TNS3: variants seen among roughly 807,000 people sequenced by gnomAD.
The protein encoded by TNS3 is tensin-3.
Under a neutral mutation model 140.9 loss-of-function variants are expected in TNS3, and 45 were observed. The observed-to-expected ratio is 0.32, with a 90% CI of 0.25 to 0.41. The LOEUF is 0.41. TNS3 is among the 10% of genes least tolerant of loss of function. The pLI, the probability that TNS3 is intolerant of heterozygous loss-of-function variation, is 1.00. For missense variants in TNS3, 1,716 were observed against 1,906.7 expected, an observed-to-expected ratio of 0.90 and a Z score of 1.86; for synonymous variants, 815 against 788.4, an observed-to-expected ratio of 1.03 and a Z score of -0.56.
chr7:47,382,297 C>A (rs548590571), intron 16 of TNS3, among the ~76,000 whole-genome samples: 26 of 152,242 alleles, frequency 1.7e-4, no homozygotes, highest in African/African-American at 6.3e-4. Flanking sequence ...ATGTGGATGA[C>A]AGCTTTGTAA....
At chr7:47,379,970 C>G (rs1348910290) in intron 16 of TNS3, among the ~76,000 whole-genome samples, 1 of 152,252 alleles carries the variant, frequency 6.6e-6, no homozygotes, top group Non-Finnish European at 1.5e-5. Context: ...AGAACCAGAG[C>G]AGAACCTTCC....
chr7:47,463,265 T>C (rs1274149947), intron 4 of TNS3, among the ~76,000 whole-genome samples: 4 of 152,088 alleles, frequency 2.6e-5, no homozygotes, highest in African/African-American at 9.7e-5. Flanking sequence ...GCCAATGTGG[T>C]GAAACCCCAT....
In TNS3 at chr7:47,531,962, TG is replaced by T. The variant is rs561362780; in HGVS notation, c.-264-2816del. On this transcript the variant is annotated intron_variant, in intron 1 of 30. Transcript: ENST00000311160. ...CCCACTCCACCACACAGGCGGGAGCTGGGGAAAAGCAGGAGCTCCCTGAGTG... is the reference window on the plus strand; with the variant it reads ...CCCACTCCACCACACAGGCGGGAGCTGGGAAAAGCAGGAGCTCCCTGAGTG... Among the ~76,000 whole-genome samples the T allele has an allele frequency of 3.7e-4, 56 of 152,166 alleles. 1 individual carries two copies. In the East Asian group the frequency reaches 0.01, roughly 28 times the overall value.
chr7:47,413,811 C>A, intron 12 of TNS3, 126 bp downstream of exon 12: 1 of 1,210,250 alleles, frequency 8.3e-7, no homozygotes, highest in Non-Finnish European at 1.2e-6. Flanking sequence ...TCTTCTTTGG[C>A]TTCTTGGCAT....
chr7:47,377,671 T>C (rs545882921), intron 16 of TNS3, among the ~76,000 whole-genome samples: 38 of 152,126 alleles, frequency 2.5e-4, no homozygotes, highest in Admixed American at 2.4e-3. Context: ...AGGTGGCTCC[T>C]CTTGATCTCC....
At chr7:47,428,209 C>T (rs184311798) in intron 9 of TNS3, 103 bp downstream of exon 9, 23 of 805,802 alleles carry the variant, frequency 2.9e-5, no homozygotes, top group East Asian at 9.2e-5. Context: ...ACAGGTCAGC[C>T]GAGCCCTTGG....
At chr7:47,564,162 G>A (rs111691838) in intron 1 of TNS3, among the ~76,000 whole-genome samples, 1,552 of 136,728 alleles carry the variant, frequency 0.011, 13 homozygotes, top group South Asian at 0.038. Context: ...CCACTGCACT[G>A]CAGCCTGGGT....
chr7:47,513,317 G>A (rs564788592), intron 2 of TNS3, among the ~76,000 whole-genome samples: 28 of 152,120 alleles, frequency 1.8e-4, no homozygotes, highest in Non-Finnish European at 3.2e-4. Flanking sequence ...CCATTGGCGC[G>A]TGCCACTGTG....
intron 3 of TNS3, among the ~76,000 whole-genome samples, chr7:47,491,270 A>G (rs1255777752): frequency 2.0e-5 from 3 of 152,186 alleles, no homozygotes; most frequent in South Asian, 2.1e-4. Flanking sequence ...AACCATATAT[A>G]TACTGTTTCA....
At chr7:47,470,797 TC>T (rs1429499996) in intron 4 of TNS3, 4 of 247,812 alleles carry the variant, frequency 1.6e-5, no homozygotes, top group Non-Finnish European at 2.6e-5. Flanking sequence ...GTTAATATGT[TC>T]CCTGCTGTTG....
At chr7:47,388,499 A>T (rs4724569) in intron 16 of TNS3, among the ~76,000 whole-genome samples, 33,044 of 152,112 alleles carry the variant, frequency 0.22, 3,814 homozygotes, top group East Asian at 0.32. Flanking sequence ...CCAAAGAGCA[A>T]TGGAGATACT....
chr7:47,411,866 T>C, intron 12 of TNS3, 64 bp from the exon 13 acceptor site: 1 of 1,503,118 alleles, frequency 6.7e-7, no homozygotes, highest in Admixed American at 1.9e-5. Context: ...AGAATACATG[T>C]AGAGAAAAGC....
intron 4 of TNS3, among the ~76,000 whole-genome samples, chr7:47,458,174 C>A (rs1251084441): frequency 6.6e-6 from 1 of 152,216 alleles, no homozygotes; most frequent in East Asian, 1.9e-4. Context: ...ATCTAACTGA[C>A]CCGTTCAAGG....
intron 1 of TNS3, among the ~76,000 whole-genome samples, chr7:47,574,149 C>G (rs894545394): frequency 6.6e-6 from 1 of 152,130 alleles, no homozygotes; most frequent in Admixed American, 6.5e-5. Flanking sequence ...CATGTGGTTC[C>G]CAGACTGAAC....
chr7:47,312,229 C>T (rs1188424598), intron 20 of TNS3, among the ~76,000 whole-genome samples: 1 of 152,106 alleles, frequency 6.6e-6, no homozygotes, highest in African/African-American at 2.4e-5. Flanking sequence ...CCAGTATGGC[C>T]CACAGGAAAT....
Position 47,436,673 on chromosome 7 carries a change from A to ATAC in TNS3, c.201+587_201+589dup, listed in dbSNP as rs567635403. On this transcript the variant is annotated intron_variant, in intron 7 of 30. Transcript: ENST00000311160. ...AGTGGATTAGTATGACCATAAAGAG[A>ATAC]TACTAGCAGAAGAGAGCCCCATGCT... Among the ~76,000 whole-genome samples, 18 of 152,324 alleles carry ATAC rather than the reference A, an allele frequency of 1.2e-4. No homozygotes were observed. The East Asian group carries it at 3.3e-3, about 28-fold the overall frequency.
At chr7:47,397,924 A>G (rs1244818540) in intron 15 of TNS3, among the ~76,000 whole-genome samples, 1 of 152,228 alleles carries the variant, frequency 6.6e-6, no homozygotes, top group Non-Finnish European at 1.5e-5. Flanking sequence ...AAACTGATAG[A>G]CCATTAGCTA....
intron 16 of TNS3, among the ~76,000 whole-genome samples, chr7:47,387,278 G>A (rs1792129085): frequency 6.6e-6 from 1 of 152,216 alleles, no homozygotes; most frequent in Admixed American, 6.5e-5. Flanking sequence ...TTACAGGAGT[G>A]GATGGAGAGA....
intron 4 of TNS3, among the ~76,000 whole-genome samples, chr7:47,447,289 T>TGTTTG (rs1795795140): frequency 6.7e-6 from 1 of 149,560 alleles, no homozygotes. Flanking sequence ...TTTGTTTGTT[T>TGTTTG]TTGAGATGGA....
Sources: allele counts gnomAD v4.1 joint callset (sites outside exome capture counted in the v4.1 genomes callset), GRCh38; gene constraint gnomAD v4.1.1; transcripts MANE v1.5; gene names NCBI Gene and HGNC (gene_info 2026-07-23, HGNC 2026-07-21).